The following NOL4 variants were observed in gnomAD, a reference collection of about 807,000 sequenced individuals.
NOL4 encodes the protein nucleolar protein 4, also known as cancer/testis antigen 125.
Under a neutral mutation model 75.9 loss-of-function variants are expected in NOL4, and 17 were observed. The ratio of observed to expected loss-of-function variants is 0.22; its 90% CI spans 0.15 to 0.34. NOL4 has a LOEUF of 0.34. Ranked by LOEUF, NOL4 falls within the 10% of genes least tolerant of loss-of-function variation. The pLI is 1.00. For missense variants in NOL4, 614 were observed against 793.5 expected (o/e 0.77, Z 2.72); for synonymous variants, 292 against 289.9 (o/e 1.01, Z -0.07).
chr18:34,119,943 T>C (rs939224457), intron 2 of NOL4, among the ~76,000 whole-genome samples: 4 of 152,088 alleles, frequency 2.6e-5, no homozygotes, highest in African/African-American at 7.2e-5. Context: ...TAGGATTAAG[T>C]TTGCTAGATA....
chr18:34,188,919 T>A (rs1236615386), intron 1 of NOL4, among the ~76,000 whole-genome samples: 3 of 152,154 alleles, frequency 2.0e-5, no homozygotes, highest in Non-Finnish European at 4.4e-5. Context: ...ATATTGGTAC[T>A]TTTTTTAAAA....
chr18:34,024,186 A>ATATATATATAT (rs1555696118), intron 5 of NOL4, among the ~76,000 whole-genome samples: 1 of 31,350 alleles, frequency 3.2e-5, no homozygotes, highest in Non-Finnish European at 7.2e-5. Flanking sequence ...AACAGGAAAA[A>ATATATATATAT]AAAAAAAAAT....
chr18:34,177,698 C>G (rs1254431368), intron 1 of NOL4, among the ~76,000 whole-genome samples: 1 of 151,662 alleles, frequency 6.6e-6, no homozygotes, highest in African/African-American at 2.4e-5. Context: ...GTCATGGAAG[C>G]CAGAATGTAC....
intron 1 of NOL4, among the ~76,000 whole-genome samples, chr18:34,155,154 CAG>C (rs1396270128): frequency 1.3e-5 from 2 of 151,322 alleles, no homozygotes; most frequent in Non-Finnish European, 2.9e-5. Flanking sequence ...GAAAGTTGGT[CAG>C]AGAGATGTTA....
chr18:33,980,989 G>C (rs192748740), intron 6 of NOL4, among the ~76,000 whole-genome samples: 1 of 152,062 alleles, frequency 6.6e-6, no homozygotes, highest in African/African-American at 2.4e-5. Context: ...TAAGCATAGA[G>C]ATAGAAATTC....
At chr18:34,023,307 A>G in intron 5 of NOL4, 1 of 410,346 alleles carries the variant, frequency 2.4e-6, no homozygotes, top group Non-Finnish European at 5.0e-6. Flanking sequence ...TCATGTAATC[A>G]TGTTAACCAT....
chr18:34,038,761 A>G (rs1046235793), intron 5 of NOL4, among the ~76,000 whole-genome samples: 4 of 152,060 alleles, frequency 2.6e-5, no homozygotes, highest in African/African-American at 9.7e-5. Flanking sequence ...AGGGGAAATG[A>G]AAAGAGGTGG....
intron 1 of NOL4, among the ~76,000 whole-genome samples, chr18:34,149,065 C>A (rs778613960): frequency 6.6e-6 from 1 of 151,584 alleles, no homozygotes; most frequent in Non-Finnish European, 1.5e-5. Flanking sequence ...TGTTTGACTG[C>A]AATTGAGAAG....
intron 9 of NOL4, among the ~76,000 whole-genome samples, chr18:33,931,531 G>A (rs1237730167): frequency 6.6e-6 from 1 of 152,018 alleles, no homozygotes; most frequent in Non-Finnish European, 1.5e-5. Flanking sequence ...AGGAGTTTGA[G>A]ACCAACCTGG....
chr18:33,872,487 AT>A (rs2063746509), intron 10 of NOL4, among the ~76,000 whole-genome samples: 1 of 152,040 alleles, frequency 6.6e-6, no homozygotes, highest in South Asian at 2.1e-4. Context: ...TGAATGATAT[AT>A]GATAAATGAT....
chr18:34,155,507 A>G (rs1041701414), intron 1 of NOL4, among the ~76,000 whole-genome samples: 3 of 152,060 alleles, frequency 2.0e-5, no homozygotes, highest in African/African-American at 4.8e-5. Flanking sequence ...TGCAAACATC[A>G]TAGAGTGTTC....
intron 6 of NOL4, among the ~76,000 whole-genome samples, chr18:33,960,334 A>C (rs2070006558): frequency 1.3e-5 from 2 of 152,124 alleles, no homozygotes; most frequent in South Asian, 4.1e-4. Context: ...AATAGTGACA[A>C]GCTTTCTTTT....
chr18:34,144,193 T>C (rs2081306997), intron 1 of NOL4, among the ~76,000 whole-genome samples: 1 of 152,170 alleles, frequency 6.6e-6, no homozygotes, highest in Non-Finnish European at 1.5e-5. Context: ...TATTAATTAC[T>C]TAATAAGTTT....
intron 9 of NOL4, among the ~76,000 whole-genome samples, chr18:33,923,303 A>G (rs1226405748): frequency 1.3e-5 from 2 of 152,016 alleles, no homozygotes; most frequent in African/African-American, 4.8e-5. Context: ...TTGATCATAC[A>G]TATTATTAAA....
intron 4 of NOL4, among the ~76,000 whole-genome samples, chr18:34,094,943 C>T (rs1452945932): frequency 6.6e-6 from 1 of 152,114 alleles, no homozygotes; most frequent in East Asian, 1.9e-4. Flanking sequence ...AAGAATTACC[C>T]TGGTTTCATA....
chr18:33,965,157 T>C (rs1437043654), intron 6 of NOL4, among the ~76,000 whole-genome samples: 1 of 152,132 alleles, frequency 6.6e-6, no homozygotes, highest in Non-Finnish European at 1.5e-5. Flanking sequence ...GATATGGAGA[T>C]GATACGACAA....
chr18:34,188,401 A>G (rs1223611962), intron 1 of NOL4, among the ~76,000 whole-genome samples: 1 of 152,206 alleles, frequency 6.6e-6, no homozygotes, highest in East Asian at 1.9e-4. Flanking sequence ...ATATTCCTCA[A>G]CATATAGTGG....
chr18:33,970,065 T>C (rs1322590258), intron 6 of NOL4, among the ~76,000 whole-genome samples: 1 of 152,182 alleles, frequency 6.6e-6, no homozygotes, highest in East Asian at 1.9e-4. Context: ...GGTCCAAGAA[T>C]TTTGATTTCT....
At chr18:34,161,505 A>G (rs796685973) in intron 1 of NOL4, among the ~76,000 whole-genome samples, 78 of 152,172 alleles carry the variant, frequency 5.1e-4, no homozygotes, top group African/African-American at 1.8e-3. Flanking sequence ...CCTCTCCAGC[A>G]TTTCTTGTTG....
Sources: gnomAD v4.1 joint callset for allele counts (sites outside exome capture counted in the v4.1 genomes callset) on GRCh38, gnomAD v4.1.1 for gene constraint, MANE v1.5 for transcripts, NCBI Gene and HGNC (gene_info 2026-07-23, HGNC 2026-07-21) for gene names.